The following CNTN5 variants were observed in gnomAD, a reference collection of about 807,000 sequenced individuals.
CNTN5 encodes contactin 5.
A neutral mutation model predicts 129.1 loss-of-function variants in CNTN5; 77 were observed. The ratio of observed to expected loss-of-function variants is 0.60; its 90% CI spans 0.50 to 0.72. The LOEUF is 0.72. CNTN5 is among the 30% of genes least tolerant of loss of function. The probability of loss-of-function intolerance (pLI) is 0.00; values close to 1 mark genes in which losing one functional copy is unlikely to be tolerated. For missense variants in CNTN5, 1,478 were observed against 1,328.8 expected, an observed-to-expected ratio of 1.11 and a Z score of -1.75; for synonymous variants, 509 against 465.6, an observed-to-expected ratio of 1.09 and a Z score of -1.20.
chr11:99,352,200 G>A (rs1938345212), intron 2 of CNTN5, among the ~76,000 whole-genome samples: 1 of 152,178 alleles, frequency 6.6e-6, no homozygotes, highest in Non-Finnish European at 1.5e-5. Flanking sequence ...GCCTGTTGTT[G>A]TTCCCACAAA....
At chr11:99,356,215 G>A (rs1052480539) in intron 2 of CNTN5, among the ~76,000 whole-genome samples, 4 of 152,018 alleles carry the variant, frequency 2.6e-5, no homozygotes, top group Non-Finnish European at 4.4e-5. Flanking sequence ...TTTTAGTGTG[G>A]CTTGTGGGGT....
intron 2 of CNTN5, among the ~76,000 whole-genome samples, chr11:99,455,163 A>T (rs546142856): frequency 6.6e-6 from 1 of 152,250 alleles, no homozygotes; most frequent in East Asian, 1.9e-4. Context: ...ACTAACTCCA[A>T]AGTTGGCCCT....
intron 12 of CNTN5, among the ~76,000 whole-genome samples, chr11:100,072,510 A>AT (rs1249053655): frequency 3.3e-5 from 5 of 152,154 alleles, no homozygotes; most frequent in Non-Finnish European, 1.5e-5. Flanking sequence ...TCCCACTTTG[A>AT]TTTTTTCCTA....
intron 2 of CNTN5, among the ~76,000 whole-genome samples, chr11:99,496,411 C>T (rs1365970103): frequency 6.6e-6 from 1 of 152,026 alleles, no homozygotes; most frequent in Non-Finnish European, 1.5e-5. Context: ...AATGCTTTGA[C>T]CTCATAAATC....
chr11:99,582,038 C>T (rs958709018), intron 3 of CNTN5, among the ~76,000 whole-genome samples: 4 of 152,002 alleles, frequency 2.6e-5, no homozygotes, highest in African/African-American at 9.6e-5. Flanking sequence ...CAAAATCTCT[C>T]AACATTTGCT....
intron 4 of CNTN5, among the ~76,000 whole-genome samples, chr11:99,819,985 G>A (rs1219384528): frequency 6.6e-6 from 1 of 152,126 alleles, no homozygotes; most frequent in East Asian, 1.9e-4. Flanking sequence ...GGCCATCTGT[G>A]TTTATTGATT....
intron 3 of CNTN5, among the ~76,000 whole-genome samples, chr11:99,680,823 T>C (rs1289671684): frequency 6.6e-6 from 1 of 151,876 alleles, no homozygotes; most frequent in Non-Finnish European, 1.5e-5. Flanking sequence ...AAATCAAAAT[T>C]ACTCCTTGAT....
intron 3 of CNTN5, among the ~76,000 whole-genome samples, chr11:99,712,252 T>G (rs1054695649): frequency 6.6e-6 from 1 of 152,166 alleles, no homozygotes; most frequent in Non-Finnish European, 1.5e-5. Flanking sequence ...TTCTTTCATA[T>G]GTTTTTTTGG....
At chr11:100,159,940 A>G (rs1385757240) in intron 13 of CNTN5, among the ~76,000 whole-genome samples, 1 of 151,702 alleles carries the variant, frequency 6.6e-6, no homozygotes, top group Non-Finnish European at 1.5e-5. Context: ...TTCTTTTCAT[A>G]TATATACTTT....
At chr11:99,539,522 A>G (rs1336589433) in intron 2 of CNTN5, among the ~76,000 whole-genome samples, 4 of 152,062 alleles carry the variant, frequency 2.6e-5, no homozygotes, top group Non-Finnish European at 1.5e-5. Flanking sequence ...TGGAATCCCT[A>G]TATTTCTAGC....
At chr11:100,264,540 G>A (rs7933783) in intron 17 of CNTN5, among the ~76,000 whole-genome samples, 3,642 of 152,130 alleles carry the variant, frequency 0.024, 139 homozygotes, top group African/African-American at 0.082. Context: ...TTTCATCCAC[G>A]TCCTGGCAAA....
intron 2 of CNTN5, among the ~76,000 whole-genome samples, chr11:99,338,919 G>GATATATATACATAT (rs1866361727): frequency 7.9e-6 from 1 of 126,962 alleles, no homozygotes; most frequent in East Asian, 2.3e-4. Context: ...TTCATTCACA[G>GATATATATACATAT]ATATATATAT....
At position 100,219,852 on chromosome 11, in the gene CNTN5, G is replaced by T. The variant is rs139640381; in HGVS notation, c.1885-4840G>T. On this transcript the variant is annotated intron_variant, in intron 15 of 24. Transcript: ENST00000524871. ...CATGTTCAGTTATTCAAGCATGTAG[G>T]TTAAATATCATCTATTTTCTAAAAA... Among the ~76,000 whole-genome samples the T allele has an allele frequency of 9.6e-3, 1,454 of 152,198 alleles. 28 individuals are homozygous for T. Among genetic ancestry groups the T allele is most frequent in the African/African-American group, 0.033 (1,366 of 41,508 alleles).
intron 3 of CNTN5, among the ~76,000 whole-genome samples, chr11:99,657,978 C>CT (rs1952442492): frequency 6.6e-6 from 1 of 152,050 alleles, no homozygotes; most frequent in African/African-American, 2.4e-5. Context: ...CAATTATATG[C>CT]TTTTAAAACA....
In CNTN5 at chr11:99,262,061, T is replaced by C. The variant is rs541589325; in HGVS notation, c.-209-63285T>C. On this transcript the variant is annotated intron_variant, in intron 1 of 24. Transcript: ENST00000524871. ...TGCTTAAACCATACTGGTGATCATG[T>C]AGTCCCTGAGATTCATGACATTTCC... is the stretch of plus-strand genomic sequence containing the variant. Among the ~76,000 whole-genome samples, 8 of 152,202 alleles carry C rather than the reference T, an allele frequency of 5.3e-5. No individual in the cohort carries two copies. The East Asian group carries it at 1.5e-3, about 29-fold the overall frequency.
At chr11:99,852,872 T>C (rs1170932596) in intron 6 of CNTN5, among the ~76,000 whole-genome samples, 1 of 152,134 alleles carries the variant, frequency 6.6e-6, no homozygotes, top group Non-Finnish European at 1.5e-5. Flanking sequence ...AGTAGAGTGT[T>C]TGTGGAGACC....
chr11:99,165,276 C>T (rs370978891), intron 1 of CNTN5, among the ~76,000 whole-genome samples: 1 of 152,044 alleles, frequency 6.6e-6, no homozygotes, highest in Non-Finnish European at 1.5e-5. Context: ...ATTCTGAAAA[C>T]GATAAAAGAG....
chr11:99,864,377 T>G (rs547796146), intron 6 of CNTN5, among the ~76,000 whole-genome samples: 12 of 152,266 alleles, frequency 7.9e-5, no homozygotes, highest in African/African-American at 2.9e-4. Flanking sequence ...TGCCACTCAC[T>G]CTCTGCTATC....
chr11:99,030,780 C>CTTTTT (rs71305325), intron 1 of CNTN5, among the ~76,000 whole-genome samples: 3,369 of 120,094 alleles, frequency 0.028, 205 homozygotes, highest in East Asian at 0.18. Context: ...TGCTAACTCT[C>CTTTTT]TTTTTTTTTT....
Sources: allele counts gnomAD v4.1 joint callset (sites outside exome capture counted in the v4.1 genomes callset), GRCh38; gene constraint gnomAD v4.1.1; transcripts MANE v1.5; gene names NCBI Gene and HGNC (gene_info 2026-07-23, HGNC 2026-07-21).